Variants in GALNTL6 observed in about 807,000 individuals in gnomAD.
The protein encoded by GALNTL6 is polypeptide N-acetylgalactosaminyltransferase-like 6.
In GALNTL6, 46 loss-of-function variants were observed where a neutral mutation model predicts 73.7. The observed-to-expected ratio is 0.62, with a 90% CI of 0.49 to 0.80. The LOEUF is 0.80. GALNTL6 is among the 30% of genes least tolerant of loss of function. The pLI, the probability that GALNTL6 is intolerant of heterozygous loss-of-function variation, is 0.00. For missense variants in GALNTL6, 604 were observed against 755.0 expected, an observed-to-expected ratio of 0.80 and a Z score of 2.34; for synonymous variants, 259 against 263.7, an observed-to-expected ratio of 0.98 and a Z score of 0.17.
chr4:172,959,064 C>A (rs191496081), intron 10 of GALNTL6, among the ~76,000 whole-genome samples: 1 of 152,132 alleles, frequency 6.6e-6, no homozygotes, highest in East Asian at 1.9e-4. Context: ...CTGTAGCAGG[C>A]GAGTGATAAC....
chr4:171,827,957 T>G (rs1224919902), intron 2 of GALNTL6, among the ~76,000 whole-genome samples: 1 of 152,118 alleles, frequency 6.6e-6, no homozygotes, highest in Non-Finnish European at 1.5e-5. Flanking sequence ...ATAAAAAAAG[T>G]TATGTTACAA....
intron 5 of GALNTL6, among the ~76,000 whole-genome samples, chr4:172,756,560 G>A (rs28552483): frequency 0.36 from 54,395 of 151,720 alleles, 10,781 homozygotes; most frequent in African/African-American, 0.52. Context: ...CAGGAGAATC[G>A]CTTGAACCCA....
At chr4:171,850,214 T>C (rs983940565) in intron 2 of GALNTL6, among the ~76,000 whole-genome samples, 18 of 152,158 alleles carry the variant, frequency 1.2e-4, no homozygotes, top group Admixed American at 1.3e-4. Context: ...TCAAGTGATC[T>C]GCCCACCCCA....
intron 5 of GALNTL6, among the ~76,000 whole-genome samples, chr4:172,566,988 G>C (rs1367083914): frequency 6.6e-6 from 1 of 151,110 alleles, no homozygotes; most frequent in African/African-American, 2.4e-5. Context: ...TTTGAAAAAG[G>C]CTTCAACAGC....
At chr4:172,072,968 A>G (rs1444604167) in intron 2 of GALNTL6, among the ~76,000 whole-genome samples, 4 of 152,168 alleles carry the variant, frequency 2.6e-5, no homozygotes, top group Non-Finnish European at 4.4e-5. Flanking sequence ...ACAAGACCCA[A>G]CGTGATCTTA....
rs191204974 is a variant in GALNTL6 at position 172,468,138 on chromosome 4, G to C, written c.553+119449G>C. Among the ~76,000 whole-genome samples the C allele has an allele frequency of 4.5e-4, 69 of 151,918 alleles. No homozygotes were observed. The East Asian group carries it at 0.013, about 28-fold the overall frequency. The stretch of plus-strand genomic sequence containing the variant: ...AACTCCTAGCCTTAAGCAATCCTCC[G>C]CCCTTGGCCTCCCAAAGTTCTGGGA... On this transcript the variant is annotated intron_variant, in intron 5 of 12. Coordinates refer to ENST00000506823, the MANE Select transcript of GALNTL6 (RefSeq NM_001034845.3).
chr4:172,422,185 C>A (rs1455938020), intron 5 of GALNTL6, among the ~76,000 whole-genome samples: 2 of 152,088 alleles, frequency 1.3e-5, no homozygotes, highest in Non-Finnish European at 2.9e-5. Flanking sequence ...TGCAGCAAAA[C>A]TTATCAAATA....
chr4:172,569,050 G>A (rs2110944472), intron 5 of GALNTL6, among the ~76,000 whole-genome samples: 1 of 152,198 alleles, frequency 6.6e-6, no homozygotes, highest in Admixed American at 6.5e-5. Context: ...CTTTTCAGTT[G>A]GCACAGAACT....
chr4:172,973,922 G>A (rs1389387176), intron 10 of GALNTL6, among the ~76,000 whole-genome samples: 1 of 152,118 alleles, frequency 6.6e-6, no homozygotes, highest in Non-Finnish European at 1.5e-5. Context: ...GTATAGATGA[G>A]GAAGTACGTA....
intron 10 of GALNTL6, among the ~76,000 whole-genome samples, chr4:173,006,669 A>G (rs1054877928): frequency 6.6e-6 from 1 of 152,214 alleles, no homozygotes; most frequent in Admixed American, 6.5e-5. Context: ...ACAACCAGCC[A>G]AGTTCATTCC....
Position 172,410,708 on chromosome 4 carries a change from GC to G in GALNTL6, c.553+62020del, listed in dbSNP as rs200533536. ...AATAAATAAATAAATAAATACAAAT[GC>G]ATCTGGTTTTTTAAGTTTACTTTGG... On this transcript the variant is annotated intron_variant, in intron 5 of 12. Coordinates refer to ENST00000506823, the MANE Select transcript of GALNTL6 (RefSeq NM_001034845.3). 4.0e-3 allele frequency among the ~76,000 whole-genome samples: 603 copies of G among 152,106 alleles called. 3 individuals carry two copies. Among genetic ancestry groups the G allele is most frequent in the African/African-American group, 0.013 (559 of 41,506 alleles).
chr4:172,046,142 T>C (rs1354261503), intron 2 of GALNTL6, among the ~76,000 whole-genome samples: 1 of 152,086 alleles, frequency 6.6e-6, no homozygotes, highest in Non-Finnish European at 1.5e-5. Flanking sequence ...TTTCAATCAA[T>C]TGAATTGATT....
chr4:172,156,543 A>AC (rs1174632958), intron 2 of GALNTL6, among the ~76,000 whole-genome samples: 2 of 19,358 alleles, frequency 1.0e-4, no homozygotes, highest in East Asian at 9.3e-4. Context: ...TATATATAAT[A>AC]TATATATATA....
intron 5 of GALNTL6, among the ~76,000 whole-genome samples, chr4:172,675,595 C>A (rs911282893): frequency 6.6e-6 from 1 of 152,144 alleles, no homozygotes; most frequent in Admixed American, 6.6e-5. Flanking sequence ...ATTTAATAGA[C>A]CATGCAATTA....
In GALNTL6 at chr4:172,617,641, TA is replaced by T. The variant is rs371396191; in HGVS notation, c.554-191718del. 7.3e-3 allele frequency among the ~76,000 whole-genome samples: 1,102 copies of T among 151,568 alleles called. 8 individuals carry two copies. Among genetic ancestry groups the T allele is most frequent in the African/African-American group, 0.022 (929 of 41,364 alleles). ...ACAGGCGCCCGCCACCACGCCCAGC[TA>T]ATTTTTTTTTTTGTATTTTTAGTAG... On this transcript the variant is annotated intron_variant, in intron 5 of 12. Transcript: ENST00000506823.
chr4:171,965,546 C>A (rs920811896), intron 2 of GALNTL6, among the ~76,000 whole-genome samples: 1 of 150,758 alleles, frequency 6.6e-6, no homozygotes, highest in African/African-American at 2.4e-5. Context: ...ATCCCAGCTA[C>A]TTGGTAGGCT....
chr4:172,847,990 G>T (rs1002150870), intron 7 of GALNTL6, among the ~76,000 whole-genome samples: 1 of 152,148 alleles, frequency 6.6e-6, no homozygotes, highest in Non-Finnish European at 1.5e-5. Context: ...ATAGGCAATT[G>T]TATTATGTAC....
At chr4:172,688,624 A>C (rs1006702142) in intron 5 of GALNTL6, among the ~76,000 whole-genome samples, 1 of 152,208 alleles carries the variant, frequency 6.6e-6, no homozygotes, top group Non-Finnish European at 1.5e-5. Context: ...ATGCACTTTT[A>C]GTAAGAAGGC....
At chr4:172,118,878 G>A (rs1403726121) in intron 2 of GALNTL6, among the ~76,000 whole-genome samples, 3 of 151,562 alleles carry the variant, frequency 2.0e-5, no homozygotes, top group Non-Finnish European at 4.4e-5. Context: ...ATGAGAAATA[G>A]ACAATGCTTC....
Sources: allele counts gnomAD v4.1 joint callset (sites outside exome capture counted in the v4.1 genomes callset), GRCh38; gene constraint gnomAD v4.1.1; transcripts MANE v1.5; gene names NCBI Gene and HGNC (gene_info 2026-07-23, HGNC 2026-07-21).